Variants in FHIP1A observed in about 807,000 individuals in gnomAD.
FHIP1A encodes the protein FHF complex subunit HOOK interacting protein 1A.
In FHIP1A, 61 loss-of-function variants were observed where a neutral mutation model predicts 88.6. That is an observed-to-expected ratio of 0.69 (90% confidence interval 0.56 to 0.85). FHIP1A has a LOEUF of 0.85. FHIP1A is among the 40% of genes least tolerant of loss of function. The pLI, the probability that FHIP1A is intolerant of heterozygous loss-of-function variation, is 0.00. For missense variants in FHIP1A, 1,154 were observed against 1,273.5 expected, an observed-to-expected ratio of 0.91 and a Z score of 1.43; for synonymous variants, 478 against 496.0, an observed-to-expected ratio of 0.96 and a Z score of 0.48.
chr4:151,519,790 C>A (rs1352960212), intron 3 of FHIP1A, among the ~76,000 whole-genome samples: 1 of 151,972 alleles, frequency 6.6e-6, no homozygotes, highest in African/African-American at 2.4e-5. Flanking sequence ...TATAAGAATT[C>A]TGTTGCTCCA....
chr4:151,521,707 ATG>A (rs1731452113), intron 3 of FHIP1A, among the ~76,000 whole-genome samples: 34 of 151,638 alleles, frequency 2.2e-4, no homozygotes, highest in Admixed American at 2.2e-3. Flanking sequence ...GTATGTATGT[ATG>A]TATGTATGTA....
chr4:151,657,503 G>A (rs915471457), intron 13 of FHIP1A, among the ~76,000 whole-genome samples: 14 of 152,182 alleles, frequency 9.2e-5, no homozygotes, highest in African/African-American at 2.7e-4. Flanking sequence ...GGCATGGGTC[G>A]GTGCTAGTAG....
chr4:151,588,388 T>A (rs2126808010), intron 6 of FHIP1A, among the ~76,000 whole-genome samples: 1 of 152,282 alleles, frequency 6.6e-6, no homozygotes, highest in South Asian at 2.1e-4. Context: ...ATAAATGTAT[T>A]TAATTGTTTT....
intron 3 of FHIP1A, among the ~76,000 whole-genome samples, chr4:151,505,281 T>C (rs760496829): frequency 1.3e-5 from 2 of 152,164 alleles, no homozygotes; most frequent in Non-Finnish European, 2.9e-5. Context: ...TTGCCTACTT[T>C]CGTGATGATG....
intron 6 of FHIP1A, among the ~76,000 whole-genome samples, chr4:151,587,534 T>G (rs978297472): frequency 6.6e-6 from 1 of 151,588 alleles, no homozygotes; most frequent in Non-Finnish European, 1.5e-5. Flanking sequence ...TTTATTATTA[T>G]ACTTTAAGTT....
At chr4:151,412,643 C>A (rs1465216644) in intron 1 of FHIP1A, among the ~76,000 whole-genome samples, 1 of 130,184 alleles carries the variant, frequency 7.7e-6, no homozygotes, top group Non-Finnish European at 1.6e-5. Context: ...TCCCTCCCTC[C>A]CTGCCTCCCT....
intron 1 of FHIP1A, among the ~76,000 whole-genome samples, chr4:151,414,604 T>C (rs1000259353): frequency 6.6e-6 from 1 of 152,218 alleles, no homozygotes; most frequent in Admixed American, 6.5e-5. Flanking sequence ...TGGACTAAAC[T>C]TTTATTCTCA....
chr4:151,618,410 A>G (rs1360174940), intron 7 of FHIP1A, among the ~76,000 whole-genome samples: 4 of 152,226 alleles, frequency 2.6e-5, no homozygotes, highest in South Asian at 2.1e-4. Flanking sequence ...AGAAATGTTC[A>G]GAGTCTGTGA....
intron 3 of FHIP1A, among the ~76,000 whole-genome samples, chr4:151,492,704 A>C (rs555022234): frequency 6.6e-6 from 1 of 152,332 alleles, no homozygotes; most frequent in East Asian, 1.9e-4. Flanking sequence ...ATACAAATAC[A>C]TGGAAATGAA....
At chr4:151,592,633 T>G (rs983887259) in intron 7 of FHIP1A, among the ~76,000 whole-genome samples, 1 of 152,224 alleles carries the variant, frequency 6.6e-6, no homozygotes, top group African/African-American at 2.4e-5. Context: ...TGTAAATTTG[T>G]TTAAGTTCCT....
chr4:151,655,752 G>A (rs1179163002), intron 11 of FHIP1A, among the ~76,000 whole-genome samples: 10 of 152,044 alleles, frequency 6.6e-5, no homozygotes, highest in East Asian at 5.8e-4. Context: ...TAGTTTGTGC[G>A]TTTTTGGTGT....
At chr4:151,540,384 C>T (rs1402025222) in intron 3 of FHIP1A, among the ~76,000 whole-genome samples, 18 of 152,072 alleles carry the variant, frequency 1.2e-4, no homozygotes, top group Admixed American at 1.1e-3. Context: ...CCAGAAATAC[C>T]TCATATATTT....
In FHIP1A at chr4:151,664,957, A is replaced by G. The variant is rs1247710054; in HGVS notation, c.*2203A>G. Among the ~76,000 whole-genome samples the G allele has an allele frequency of 6.6e-6, 1 of 151,966 alleles. No homozygotes were observed. Among genetic ancestry groups the G allele is most frequent in the East Asian group, 1.9e-4 (1 of 5,190 alleles). ...TGTGCCTCTTACTGTTTTTTTCAAT[A>G]GGTACTGAAATAAACTTACTTTATT... On this transcript the variant is annotated 3_prime_UTR_variant, in exon 14 of 14. Transcript: ENST00000435205.
At chr4:151,410,328 G>T (rs750078579) in intron 1 of FHIP1A, among the ~76,000 whole-genome samples, 1 of 152,044 alleles carries the variant, frequency 6.6e-6, no homozygotes, top group African/African-American at 2.4e-5. Context: ...ATGTTGAGAA[G>T]GAGAGACAGC....
chr4:151,571,880 G>A (rs1049007602), intron 4 of FHIP1A, among the ~76,000 whole-genome samples: 2 of 152,200 alleles, frequency 1.3e-5, no homozygotes, highest in Non-Finnish European at 2.9e-5. Flanking sequence ...TTAGATGGCC[G>A]AGGCATTAAC....
intron 1 of FHIP1A, among the ~76,000 whole-genome samples, chr4:151,430,982 T>TAA (rs1733570447): frequency 6.6e-6 from 1 of 152,240 alleles, no homozygotes; most frequent in Non-Finnish European, 1.5e-5. Flanking sequence ...AGTAAAAGCT[T>TAA]ACATTTTCAT....
chr4:151,525,273 T>C lies in FHIP1A; in HGVS notation c.-122-40865T>C, dbSNP rs146583217. Among the ~76,000 whole-genome samples the C allele has an allele frequency of 2.6e-5, 4 of 152,346 alleles. No individual in the cohort carries two copies. The East Asian group carries it at 7.7e-4, about 29-fold the overall frequency. On this transcript the variant is annotated intron_variant, in intron 3 of 13. Coordinates refer to ENST00000435205, the MANE Select transcript of FHIP1A (RefSeq NM_001109977.3). ...TCTTTCTTTCTCTCACTAAACTGGCTTTCACTCCACATGGCTAAACCAGGC... is the reference window on the plus strand; with the variant it reads ...TCTTTCTTTCTCTCACTAAACTGGCCTTCACTCCACATGGCTAAACCAGGC...
chr4:151,419,568 C>CTTTTTTTTTTTTTTTTTTTTT (rs70941499), intron 1 of FHIP1A, among the ~76,000 whole-genome samples: 1 of 21,984 alleles, frequency 4.5e-5, no homozygotes, highest in African/African-American at 2.2e-4. Context: ...GTTCCTCATT[C>CTTTTTTTTTTTTTTTTTTTTT]TTTTTTTTTT....
chr4:151,549,450 C>G (rs1274068801), intron 3 of FHIP1A, among the ~76,000 whole-genome samples: 1 of 149,196 alleles, frequency 6.7e-6, no homozygotes, highest in Non-Finnish European at 1.5e-5. Context: ...AAGATCACAC[C>G]ACTGCGCTCC....
Sources: allele counts gnomAD v4.1 joint callset (sites outside exome capture counted in the v4.1 genomes callset), GRCh38; gene constraint gnomAD v4.1.1; transcripts MANE v1.5; gene names NCBI Gene and HGNC (gene_info 2026-07-23, HGNC 2026-07-21).